The following JAKMIP1 variants were observed in gnomAD, a reference collection of about 807,000 sequenced individuals.
The protein encoded by JAKMIP1 is janus kinase and microtubule-interacting protein 1.
In JAKMIP1, 33 loss-of-function variants were observed where a neutral mutation model predicts 113.0. The observed-to-expected ratio is 0.29, with a 90% CI of 0.22 to 0.39. The LOEUF is 0.39. Ranked by LOEUF, JAKMIP1 falls within the 10% of genes least tolerant of loss-of-function variation. The pLI is 1.00. For synonymous variants in JAKMIP1, 480 were observed against 459.9 expected (o/e 1.04, Z -0.56); for missense variants, 813 against 1,080.5 (o/e 0.75, Z 3.47).
intron 12 of JAKMIP1, among the ~76,000 whole-genome samples, chr4:6,055,402 A>G (rs1378450965): frequency 2.0e-5 from 3 of 152,220 alleles, no homozygotes; most frequent in African/African-American, 7.2e-5. Context: ...TACGATTTTA[A>G]TTCCAAAGCA....
chr4:6,057,022 C>T (rs1401576874), intron 11 of JAKMIP1, among the ~76,000 whole-genome samples: 1 of 152,190 alleles, frequency 6.6e-6, no homozygotes, highest in African/African-American at 2.4e-5. Flanking sequence ...TTAACAGAAA[C>T]ATGCCTCCAG....
rs1715840861 is a variant in JAKMIP1 at position 6,116,713 on chromosome 4, T to C, written c.-147-3716A>G. Among the ~76,000 whole-genome samples, 2 of 152,170 alleles carry C rather than the reference T, an allele frequency of 1.3e-5. No homozygotes were observed. Among genetic ancestry groups the C allele is most frequent in the Admixed American group, 1.3e-4 (2 of 15,278 alleles). ...TTTAACTGCCTACAGGAAATTAATA[T>C]ACCGGGCATGCAGGAGGACCAGACA... On this transcript the variant is annotated intron_variant, in intron 1 of 20. Coordinates refer to ENST00000409021, the MANE Select transcript of JAKMIP1 (RefSeq NM_001099433.2). The surrounding 1 kb of genome is among the most constrained non-coding windows in gnomAD (Gnocchi z 5.1).
At chr4:6,066,692 T>C (rs1718138014) in intron 8 of JAKMIP1, among the ~76,000 whole-genome samples, 2 of 152,106 alleles carry the variant, frequency 1.3e-5, no homozygotes, top group African/African-American at 4.8e-5. Context: ...AGAAACCCTG[T>C]TGTCTTCACC....
chr4:6,130,474 A>G (rs1718341692), intron 1 of JAKMIP1, among the ~76,000 whole-genome samples: 1 of 152,220 alleles, frequency 6.6e-6, no homozygotes, highest in Non-Finnish European at 1.5e-5. Context: ...CTTTTACCAA[A>G]TGCATCATGT....
At chr4:6,074,288 G>A (rs1719392770) in intron 8 of JAKMIP1, among the ~76,000 whole-genome samples, 1 of 152,238 alleles carries the variant, frequency 6.6e-6, no homozygotes, top group African/African-American at 2.4e-5. Context: ...AAGCTGGGGT[G>A]TGGGAGTGGA....
chr4:6,052,025 G>C (rs1053472084), intron 13 of JAKMIP1, among the ~76,000 whole-genome samples: 1 of 152,106 alleles, frequency 6.6e-6, no homozygotes, highest in Admixed American at 6.5e-5. Context: ...TCTACTAAGA[G>C]ATGTAGCCAA....
In JAKMIP1 at chr4:6,064,833, C is replaced by T. The variant is rs778221011; in HGVS notation, c.1431+47G>A. 45 of 1,610,896 alleles carry T rather than the reference C, an allele frequency of 2.8e-5. No individual in the cohort carries two copies. The highest frequency in any genetic ancestry group is 8.8e-5 in the South Asian group (8 of 90,980). On this transcript the variant is annotated intron_variant, in intron 9 of 20. Coordinates refer to ENST00000409021, the MANE Select transcript of JAKMIP1 (RefSeq NM_001099433.2). This position sits in a 1 kb window ranked among gnomAD's most constrained non-coding sequence, Gnocchi z 4.3. ...CTATCAAAAGCAGGAGGTGCCGCCC[C>T]GAGAGCATCTGGGGTGAGGTCCCGC...
Position 6,105,417 on chromosome 4 carries a change from T to G in JAKMIP1, c.624+56A>C, listed in dbSNP as rs148021996. The G allele has an allele frequency of 1.6e-3, 2,372 of 1,484,256 alleles. 39 individuals are homozygous for G. In the African/African-American group the frequency reaches 0.029, roughly 18 times the overall value. The allele number at this position is 1,484,256 out of a possible 1,614,324, so 91.9% of individuals were successfully genotyped here. A position where few individuals can be genotyped will look rare whatever the true frequency, so the allele number is the denominator to read the frequency against. On this transcript the variant is annotated intron_variant, in intron 3 of 20. Coordinates refer to ENST00000409021, the MANE Select transcript of JAKMIP1 (RefSeq NM_001099433.2). ...TCCTCGGAGCTCCGCATTTCCCCCA[T>G]GCGTGCAGGGAGGGAAGGCCGCGTG...
rs1358022740 is a variant in JAKMIP1, at chr4:6,193,686, C to CA, written c.-148+6566dup. On this transcript the variant is annotated intron_variant, in intron 1 of 20. Coordinates refer to ENST00000409021, the MANE Select transcript of JAKMIP1 (RefSeq NM_001099433.2). This position sits in a 1 kb window ranked among gnomAD's most constrained non-coding sequence, Gnocchi z 6.4. ...TCTTGCTTGGAAAATGAGGAGCCGA[C>CA]AACCATTCTGCAGGTTTCAAGGACA... Among the ~76,000 whole-genome samples, 1 of 152,196 alleles carries CA rather than the reference C, an allele frequency of 6.6e-6. No homozygotes were observed. Among genetic ancestry groups the CA allele is most frequent in the Non-Finnish European group, 1.5e-5 (1 of 68,040 alleles).
rs948402368 is a variant in JAKMIP1 at position 6,031,749 on chromosome 4, A to C, written c.2380-1968T>G. 6.6e-6 allele frequency among the ~76,000 whole-genome samples: 1 copy of C among 152,230 alleles called. No homozygotes were observed. Among genetic ancestry groups the C allele is most frequent in the Admixed American group, 6.5e-5 (1 of 15,288 alleles). On this transcript the variant is annotated intron_variant, in intron 19 of 20. Coordinates refer to ENST00000409021, the MANE Select transcript of JAKMIP1 (RefSeq NM_001099433.2). This position sits in a 1 kb window ranked among gnomAD's most constrained non-coding sequence, Gnocchi z 4.4. ...ACAGAATGGATTCCACGAAGGAGAC[A>C]GAAAAAAAGATGATTCTCTCAGATC...
In JAKMIP1 at chr4:6,070,325, C is replaced by T. The variant is rs189520544; in HGVS notation, c.1303-5317G>A. On this transcript the variant is annotated intron_variant, in intron 8 of 20. Coordinates refer to ENST00000409021, the MANE Select transcript of JAKMIP1 (RefSeq NM_001099433.2). Reference sequence around the variant, plus strand: ...TAACACACCCGCCCTAGCAACTCCACGGCTTCCTGTGGACCCGTCTGCTGC... The same window carrying T: ...TAACACACCCGCCCTAGCAACTCCATGGCTTCCTGTGGACCCGTCTGCTGC... 1,138 of 382,814 alleles carry T rather than the reference C, an allele frequency of 3.0e-3. 2 individuals are homozygous for T. Among genetic ancestry groups the T allele is most frequent in the Non-Finnish European group, 2.6e-3 (572 of 216,238 alleles). The allele number at this position is 382,814 out of a possible 1,614,324, so 23.7% of individuals were successfully genotyped here.
rs1326746760 is a variant in JAKMIP1 at position 6,086,384 on chromosome 4, C to T, written c.625-755G>A. 6.6e-6 allele frequency among the ~76,000 whole-genome samples: 1 copy of T among 151,860 alleles called. No individual in the cohort carries two copies. The highest frequency in any genetic ancestry group is 1.9e-4 in the East Asian group (1 of 5,136). ...GCCTCAGCCCTGGCTTCTCTCTGAG[C>T]TCCACAATCACAGAACCAGCTGGCT... On this transcript the variant is annotated intron_variant, in intron 3 of 20. Coordinates refer to ENST00000409021, the MANE Select transcript of JAKMIP1 (RefSeq NM_001099433.2). This position sits in a 1 kb window ranked among gnomAD's most constrained non-coding sequence, Gnocchi z 4.1.
In JAKMIP1 at chr4:6,199,957, G is replaced by T. The variant is rs865935261; in HGVS notation, c.-148+296C>A. Reference sequence around the variant, plus strand: ...CGTGAAGGAGAGCTGGGGGCTGGGGGCGGGACCGGGAGGGGGTGTTGGGGG... The same window carrying T: ...CGTGAAGGAGAGCTGGGGGCTGGGGTCGGGACCGGGAGGGGGTGTTGGGGG... On this transcript the variant is annotated intron_variant, in intron 1 of 20. Coordinates refer to ENST00000409021, the MANE Select transcript of JAKMIP1 (RefSeq NM_001099433.2). This position sits in a 1 kb window ranked among gnomAD's most constrained non-coding sequence, Gnocchi z 5.6. Among the ~76,000 whole-genome samples the T allele has an allele frequency of 4.2e-4, 63 of 150,996 alleles. No individual in the cohort carries two copies. The highest frequency in any genetic ancestry group is 1.4e-3 in the African/African-American group (56 of 41,158).
rs1294644063 is a variant in JAKMIP1, at chr4:6,116,256, G to A, written c.-147-3259C>T. 2.6e-5 allele frequency among the ~76,000 whole-genome samples: 4 copies of A among 152,064 alleles called. No individual in the cohort carries two copies. The highest frequency in any genetic ancestry group is 4.4e-5 in the Non-Finnish European group (3 of 67,992). ...CACTGTAATCAGCCCCTCTGGCTGCGGGCTGCCCAAAGGTCTCATCAGCAG... is the reference window on the plus strand; with the variant it reads ...CACTGTAATCAGCCCCTCTGGCTGCAGGCTGCCCAAAGGTCTCATCAGCAG... On this transcript the variant is annotated intron_variant, in intron 1 of 20. Transcript: ENST00000409021. This position sits in a 1 kb window ranked among gnomAD's most constrained non-coding sequence, Gnocchi z 5.1.
At chr4:6,028,705 C>T (rs921209421) in intron 20 of JAKMIP1, among the ~76,000 whole-genome samples, 6 of 152,224 alleles carry the variant, frequency 3.9e-5, no homozygotes, top group Non-Finnish European at 5.9e-5. Context: ...CCTCCTCTTC[C>T]CAGGGCTGAT....
rs558793273 is a variant in JAKMIP1, at chr4:6,187,212, T to C, written c.-148+13041A>G. Reference sequence around the variant, plus strand: ...GTTTATAATTGTTATATATTTCTGATGTATTGAACTTCTTGTCATTATAAA... The same window carrying C: ...GTTTATAATTGTTATATATTTCTGACGTATTGAACTTCTTGTCATTATAAA... On this transcript the variant is annotated intron_variant, in intron 1 of 20. Transcript: ENST00000409021. The surrounding 1 kb of genome is among the most constrained non-coding windows in gnomAD (Gnocchi z 4.2). 1.3e-5 allele frequency among the ~76,000 whole-genome samples: 2 copies of C among 152,230 alleles called. No homozygotes were observed. Among genetic ancestry groups the C allele is most frequent in the African/African-American group, 4.8e-5 (2 of 41,462 alleles).
At chr4:6,036,455 T>TGGCTC (rs1322282642) in intron 18 of JAKMIP1, among the ~76,000 whole-genome samples, 2 of 152,254 alleles carry the variant, frequency 1.3e-5, no homozygotes, top group African/African-American at 4.8e-5. Context: ...GGTTTCCAAT[T>TGGCTC]GGCTCTCCTC....
At position 6,044,302 on chromosome 4, in the gene JAKMIP1, A is replaced by C. The variant is rs564136494; in HGVS notation, c.2029-2075T>G. On this transcript the variant is annotated intron_variant, in intron 16 of 20. Coordinates refer to ENST00000409021, the MANE Select transcript of JAKMIP1 (RefSeq NM_001099433.2). This position sits in a 1 kb window ranked among gnomAD's most constrained non-coding sequence, Gnocchi z 4.4. ...CAGGGCTTGACACAAGCAGGTGCCTAATAAACTTCTGTCGAATGAAGGAGA... is the reference window on the plus strand; with the variant it reads ...CAGGGCTTGACACAAGCAGGTGCCTCATAAACTTCTGTCGAATGAAGGAGA... Among the ~76,000 whole-genome samples the C allele has an allele frequency of 2.6e-5, 4 of 152,250 alleles. No homozygotes were observed. Among genetic ancestry groups the C allele is most frequent in the African/African-American group, 9.6e-5 (4 of 41,554 alleles).
Position 6,108,874 on chromosome 4 carries a change from T to C in JAKMIP1, c.130-2907A>G, listed in dbSNP as rs546173968. Among the ~76,000 whole-genome samples the C allele has an allele frequency of 6.6e-6, 1 of 152,376 alleles. No homozygotes were observed. Among genetic ancestry groups the C allele is most frequent in the South Asian group, 2.1e-4 (1 of 4,824 alleles). On this transcript the variant is annotated intron_variant, in intron 2 of 20. Coordinates refer to ENST00000409021, the MANE Select transcript of JAKMIP1 (RefSeq NM_001099433.2). This position sits in a 1 kb window ranked among gnomAD's most constrained non-coding sequence, Gnocchi z 5.6. The stretch of plus-strand genomic sequence containing the variant: ...GTAAGAACTCATGTTTGACTTTGTA[T>C]GGATATAGATGTCATATATGGAAAT...
Sources: allele counts gnomAD v4.1 joint callset (sites outside exome capture counted in the v4.1 genomes callset), GRCh38; gene constraint gnomAD v4.1.1; non-coding constraint Gnocchi (gnomAD v3.1); transcripts MANE v1.5; gene names NCBI Gene and HGNC (gene_info 2026-07-23, HGNC 2026-07-21).